Variants in PDGFA observed in about 807,000 individuals in gnomAD.
PDGFA encodes the protein platelet derived growth factor subunit A.
PDGFA carries 9 observed loss-of-function variants against 25.6 expected under a neutral mutation model. That is an observed-to-expected ratio of 0.35 (90% confidence interval 0.21 to 0.61). The LOEUF is 0.61. Ranked by LOEUF, PDGFA falls within the 20% of genes least tolerant of loss-of-function variation. PDGFA has a pLI of 0.75. For missense variants in PDGFA, 242 were observed against 272.8 expected (o/e 0.89, Z 0.79); for synonymous variants, 133 against 111.8 (o/e 1.19, Z -1.20).
chr7:509,528 G>A (rs1782707652), intron 4 of PDGFA, among the ~76,000 whole-genome samples: 1 of 152,124 alleles, frequency 6.6e-6, no homozygotes, highest in Non-Finnish European at 1.5e-5. Flanking sequence ...TAGGCTCAGC[G>A]ATCCTCCAGC....
intron 2 of PDGFA, 125 bp from the exon 3 acceptor site, chr7:512,580 C>T (rs1398600099): frequency 7.7e-6 from 12 of 1,550,430 alleles, no homozygotes; most frequent in Non-Finnish European, 1.0e-5. Context: ...GGCGGCACAG[C>T]CCCTCACAGC....
intron 4 of PDGFA, among the ~76,000 whole-genome samples, chr7:505,388 G>A (rs1440778342): frequency 2.0e-5 from 3 of 152,114 alleles, no homozygotes; most frequent in Non-Finnish European, 4.4e-5. Context: ...CACTCCCGGC[G>A]CGAACTCACC....
At chr7:506,059 C>A (rs1353044357) in intron 4 of PDGFA, among the ~76,000 whole-genome samples, 1 of 151,738 alleles carries the variant, frequency 6.6e-6, no homozygotes, top group Non-Finnish European at 1.5e-5. Flanking sequence ...GTCTGTAATC[C>A]CAGCTACTCG....
chr7:512,157 C>G (rs749909841), intron 3 of PDGFA, among the ~76,000 whole-genome samples, 194 bp downstream of exon 3: 2 of 152,194 alleles, frequency 1.3e-5, no homozygotes, highest in Non-Finnish European at 2.9e-5. Flanking sequence ...AGGAGGGAGG[C>G]CTCGGGAGAG....
At position 498,322 on chromosome 7, in the gene PDGFA, T is replaced by TC. The variant is rs869204719; in HGVS notation, c.*241_*242insG. 4,496 of 464,174 alleles carry TC rather than the reference T, an allele frequency of 9.7e-3. 40 individuals are homozygous for TC. Among genetic ancestry groups the TC allele is most frequent in the African/African-American group, 0.035 (1,720 of 49,008 alleles). The allele number at this position is 464,174 out of a possible 1,614,324, so 28.8% of individuals were successfully genotyped here. A position where few individuals can be genotyped will look rare whatever the true frequency, so the allele number is the denominator to read the frequency against. On this transcript the variant is annotated 3_prime_UTR_variant, in exon 6 of 6. Coordinates refer to ENST00000402802, the Ensembl canonical transcript of PDGFA. ...TTGTGGTTTTGTTTTCTCTCTCTCT[T>TC]TCTCTCTCTCTCTTTTTGACAAGGA... is the stretch of plus-strand genomic sequence containing the variant.
chr7:507,944 A>T (rs1250311747), intron 4 of PDGFA, among the ~76,000 whole-genome samples: 1 of 152,024 alleles, frequency 6.6e-6, no homozygotes, highest in Non-Finnish European at 1.5e-5. Flanking sequence ...AAGCACTCCC[A>T]GGGCCCTGGA....
chr7:506,416 C>T (rs1347969285), intron 4 of PDGFA, among the ~76,000 whole-genome samples: 1 of 152,096 alleles, frequency 6.6e-6, no homozygotes, highest in Non-Finnish European at 1.5e-5. Flanking sequence ...TCCACTCCGC[C>T]CACCTAGAGA....
At position 511,324 on chromosome 7, in the gene PDGFA, A is replaced by AGTGGCTGGGGGTGGG. The variant is rs1430919796; in HGVS notation, c.266-329_266-328insCCCACCCCCAGCCAC. Among the ~76,000 whole-genome samples the AGTGGCTGGGGGTGGG allele has an allele frequency of 7.7e-4, 59 of 76,942 alleles. 1 individual carries two copies. The highest frequency in any genetic ancestry group is 5.7e-3 in the African/African-American group (55 of 9,674). 50.5% of individuals were successfully genotyped at this position (76,942 alleles called of 152,430 possible). A position where few individuals can be genotyped will look rare whatever the true frequency, so the allele number is the denominator to read the frequency against. On this transcript the variant is annotated intron_variant, in intron 3 of 5. Transcript: ENST00000402802. Reference sequence around the variant, plus strand: ...AGGGGAACTTAGTCCAGGTGGGGCCAGAGACTGGGGGTGGGGAGAGGGGAA... The same window carrying AGTGGCTGGGGGTGGG: ...AGGGGAACTTAGTCCAGGTGGGGCCAGTGGCTGGGGGTGGGGAGACTGGGGGTGGGGAGAGGGGAA...
chr7:520,053 C>G, upstream of PDGFA: 2 of 398,770 alleles, frequency 5.0e-6, 1 homozygote, highest in South Asian at 3.4e-5. Context: ...GCAGCTAAAT[C>G]CATCAAAGCC....
exon 1 of PDGFA, chr7:519,076 G>A: frequency 1.6e-6 from 2 of 1,222,394 alleles, no homozygotes; most frequent in Non-Finnish European, 2.3e-6. Flanking sequence ...CTCCTGTGGC[G>A]GCGAAATTCA....
intron 3 of PDGFA, among the ~76,000 whole-genome samples, chr7:512,003 G>GTTTCC (rs1210391104): frequency 1.3e-5 from 2 of 152,214 alleles, no homozygotes; most frequent in Non-Finnish European, 2.9e-5. Flanking sequence ...GCGCGACCAC[G>GTTTCC]TTTCCGGCAA....
exon 6 of PDGFA, chr7:497,869 T>TAAAAAAAAAAAAAAAAAAAAAAAAA (rs377428492): frequency 8.0e-5 from 2 of 24,982 alleles, no homozygotes; most frequent in African/African-American, 2.2e-4. Flanking sequence ...AAGAGATAAT[T>TAAAAAAAAAAAAAAAAAAAAAAAAA]AAAAAAAAAA....
intron 3 of PDGFA, among the ~76,000 whole-genome samples, 156 bp from the exon 4 acceptor site, chr7:511,152 C>T (rs1782811632): frequency 6.6e-6 from 1 of 151,626 alleles, no homozygotes; most frequent in South Asian, 2.1e-4. Context: ...GGAGCAGAGG[C>T]TTAGGGGCTG....
intron 4 of PDGFA, among the ~76,000 whole-genome samples, chr7:508,927 C>A (rs1432842234): frequency 1.3e-5 from 2 of 152,272 alleles, no homozygotes; most frequent in Non-Finnish European, 2.9e-5. Context: ...ATGGCAGCAG[C>A]CTCGGCTCTC....
chr7:497,896 AGCC>A (rs1782125458), exon 6 of PDGFA: 11 of 111,840 alleles, frequency 9.8e-5, no homozygotes, highest in Admixed American at 1.8e-4. Context: ...AAAAAAAGCT[AGCC>A]AAAGAGTAAA....
intron 2 of PDGFA, among the ~76,000 whole-genome samples, chr7:516,515 A>C (rs996980777): frequency 6.6e-6 from 1 of 152,120 alleles, no homozygotes; most frequent in Non-Finnish European, 1.5e-5. Context: ...TTTTTAAACC[A>C]GGTTAAGGCT....
At chr7:512,160 C>T (rs980880342) in intron 3 of PDGFA, among the ~76,000 whole-genome samples, 191 bp downstream of exon 3, 2 of 152,120 alleles carry the variant, frequency 1.3e-5, no homozygotes, top group African/African-American at 2.4e-5. Flanking sequence ...AGGGAGGCCT[C>T]GGGAGAGGCC....
rs1162356819 is a variant in PDGFA, at chr7:512,755, A to G, written c.161-300T>C. 5.7e-6 allele frequency: 6 copies of G among 1,051,386 alleles called. No homozygotes were observed. In the Admixed American group the frequency reaches 2.0e-4, roughly 34 times the overall value. The allele number at this position is 1,051,386 out of a possible 1,614,324, so 65.1% of individuals were successfully genotyped here. On this transcript the variant is annotated intron_variant, in intron 2 of 5. Transcript: ENST00000402802. ...CAGGGCCCTTCGGGGAAGAGGTTGC[A>G]GGTGGTCTCCCCTACGGTGCCTCCT...
At position 501,309 on chromosome 7, in the gene PDGFA, G is replaced by A. The variant is rs149142861; in HGVS notation, c.454-67C>T. On this transcript the variant is annotated intron_variant, in intron 4 of 5. Coordinates refer to ENST00000402802, the Ensembl canonical transcript of PDGFA. ...AGCTTCGGACATCACGACGTGCTGGGAGCCGGGGACAGGCTGAGAGGGAGG... is the reference window on the plus strand; with the variant it reads ...AGCTTCGGACATCACGACGTGCTGGAAGCCGGGGACAGGCTGAGAGGGAGG... The A allele has an allele frequency of 1.0e-3, 1,606 of 1,600,008 alleles. 20 individuals are homozygous for A. In the African/African-American group the frequency reaches 0.019, roughly 19 times the overall value.
Sources: gnomAD v4.1 joint callset for allele counts (sites outside exome capture counted in the v4.1 genomes callset) on GRCh38, gnomAD v4.1.1 for gene constraint, MANE v1.5 for transcripts, NCBI Gene and HGNC (gene_info 2026-07-23, HGNC 2026-07-21) for gene names.